Variants in TNRC6A observed in about 807,000 individuals in gnomAD.
The protein encoded by TNRC6A is trinucleotide repeat-containing gene 6A protein.
A neutral mutation model predicts 221.2 loss-of-function variants in TNRC6A; 44 were observed. That is an observed-to-expected ratio of 0.20 (90% CI 0.16 to 0.26). TNRC6A has a LOEUF of 0.26. Among genes scored for constraint, TNRC6A ranks in the 10% least tolerant of loss-of-function variants. The probability of loss-of-function intolerance (pLI) is 1.00; values close to 1 mark genes in which losing one functional copy is unlikely to be tolerated. For synonymous variants in TNRC6A, 847 were observed against 838.5 expected (o/e 1.01, Z -0.18); for missense variants, 2,199 against 2,404.4 (o/e 0.91, Z 1.79).
intron 2 of TNRC6A, among the ~76,000 whole-genome samples, chr16:24,686,964 T>G (rs535541740): frequency 2.6e-5 from 4 of 152,208 alleles, no homozygotes; most frequent in Non-Finnish European, 5.9e-5. Context: ...GCTCTACCAC[T>G]TACTAGCTCT....
intron 2 of TNRC6A, among the ~76,000 whole-genome samples, chr16:24,705,575 G>T (rs1358647921): frequency 1.3e-5 from 2 of 152,104 alleles, no homozygotes; most frequent in Non-Finnish European, 2.9e-5. Flanking sequence ...CTGGTGATCC[G>T]CCTGCCTTGG....
intron 1 of TNRC6A, 69 bp from the exon 2 acceptor site, chr16:24,730,183 CG>C: frequency 6.7e-7 from 1 of 1,498,184 alleles, no homozygotes; most frequent in Non-Finnish European, 8.9e-7. Flanking sequence ...GCAGCAGCTC[CG>C]TTTTCACGCG....
At chr16:24,803,262 T>C (rs1468160645) in intron 11 of TNRC6A, among the ~76,000 whole-genome samples, 4 of 149,860 alleles carry the variant, frequency 2.7e-5, no homozygotes, top group African/African-American at 7.4e-5. Flanking sequence ...CTACTGAAAA[T>C]AAAAAAATTA....
intron 1 of TNRC6A, among the ~76,000 whole-genome samples, chr16:24,630,564 A>T (rs1180026656): frequency 2.0e-5 from 3 of 152,158 alleles, no homozygotes; most frequent in East Asian, 1.9e-4. Flanking sequence ...TTCTCCCTCT[A>T]GCTACTACCT....
chr16:24,769,479 A>C (rs2057545008), intron 4 of TNRC6A, among the ~76,000 whole-genome samples: 1 of 151,944 alleles, frequency 6.6e-6, no homozygotes, highest in African/African-American at 2.4e-5. Flanking sequence ...AAAAAAAAAA[A>C]AAAAAACCCT....
chr16:24,625,722 G>A (rs1265436082), intron 1 of TNRC6A, among the ~76,000 whole-genome samples: 1 of 101,332 alleles, frequency 9.9e-6, no homozygotes, highest in African/African-American at 4.7e-5. Flanking sequence ...GACAGAGCGA[G>A]ACTCCGTCTC....
intron 1 of TNRC6A, among the ~76,000 whole-genome samples, chr16:24,626,626 C>T (rs1337793892): frequency 6.6e-6 from 1 of 151,068 alleles, no homozygotes; most frequent in Non-Finnish European, 1.5e-5. Flanking sequence ...ATATGTTTTA[C>T]CAAGTTTTTT....
chr16:24,660,326 G>A (rs1245584848), intron 2 of TNRC6A, among the ~76,000 whole-genome samples: 4 of 152,036 alleles, frequency 2.6e-5, no homozygotes, highest in Admixed American at 1.3e-4. Context: ...GAGAACATAC[G>A]ATGTTTGGTT....
chr16:24,674,257 A>G (rs2055362987), intron 2 of TNRC6A, among the ~76,000 whole-genome samples: 2 of 151,810 alleles, frequency 1.3e-5, no homozygotes, highest in Admixed American at 1.3e-4. Context: ...TAGTAGCAAC[A>G]AGGTCTCGAT....
chr16:24,818,906 A>C (rs1266300261), intron 21 of TNRC6A, among the ~76,000 whole-genome samples: 1 of 152,142 alleles, frequency 6.6e-6, no homozygotes. Context: ...TTCACTGAAC[A>C]GCTCTCATCT....
intron 2 of TNRC6A, among the ~76,000 whole-genome samples, chr16:24,694,180 A>C (rs1436546408): frequency 6.6e-6 from 1 of 152,116 alleles, no homozygotes; most frequent in East Asian, 1.9e-4. Context: ...TACAACACCC[A>C]GGGAAAGTGA....
Position 24,823,710 on chromosome 16 carries a change from C to A in TNRC6A, c.5792C>A (p.Pro1931His), listed in dbSNP as rs1309300917. ...CATTATTCCACAAGCCTGTGGGGTCCCCCAAGCAGCAGCGACCCCCGAGGA... is the reference window on the plus strand; with the variant it reads ...CATTATTCCACAAGCCTGTGGGGTCACCCAAGCAGCAGCGACCCCCGAGGA... Reference protein sequence around the residue: ...TPHYSTSLWGPPSSSDPRGIS... With the variant: ...TPHYSTSLWGHPSSSDPRGIS... Residue 1931 changes from proline to histidine, a missense_variant, in exon 25 of 25, where the codon CCC becomes CAC. Transcript: ENST00000395799. This position sits in a 1 kb window ranked among gnomAD's most constrained non-coding sequence, Gnocchi z 4.3. The A allele has an allele frequency of 1.9e-6, 3 of 1,567,158 alleles. No homozygotes were observed. Among genetic ancestry groups the A allele is most frequent in the Non-Finnish European group, 2.6e-6 (3 of 1,157,284 alleles).
At chr16:24,642,141 G>T (rs1901980614) in intron 2 of TNRC6A, among the ~76,000 whole-genome samples, 2 of 152,176 alleles carry the variant, frequency 1.3e-5, no homozygotes, top group Admixed American at 1.3e-4. Flanking sequence ...CAGATTCCTG[G>T]GGGTAAACGG....
At chr16:24,639,148 G>T (rs900152276) in intron 1 of TNRC6A, among the ~76,000 whole-genome samples, 1 of 152,142 alleles carries the variant, frequency 6.6e-6, no homozygotes, top group South Asian at 2.1e-4. Flanking sequence ...CGTACATAGG[G>T]TTGATAATTG....
chr16:24,708,245 T>G (rs1236847743), intron 2 of TNRC6A, among the ~76,000 whole-genome samples: 1 of 68,636 alleles, frequency 1.5e-5, no homozygotes, highest in African/African-American at 5.4e-5. Flanking sequence ...CATGGATGAG[T>G]TTTTTTTTTT....
intron 2 of TNRC6A, among the ~76,000 whole-genome samples, chr16:24,739,454 C>T (rs1295429557): frequency 1.3e-5 from 2 of 148,962 alleles, no homozygotes; most frequent in Non-Finnish European, 3.0e-5. Context: ...GGTATTTTTT[C>T]CTATTTTGTG....
In TNRC6A at chr16:24,650,969, C is replaced by T. The variant is rs767678432; in HGVS notation, n.402+9960C>T. ...ACATTGCTAGTGCTCATTTGCCACA[C>T]GTGGCCAGTGGCCAGTGGCTACTGG... is the stretch of plus-strand genomic sequence containing the variant. On this transcript the variant is annotated intron_variant and non_coding_transcript_variant, in intron 2 of 2. Coordinates refer to the TNRC6A transcript ENST00000566108. Among the ~76,000 whole-genome samples, 38 of 152,260 alleles carry T rather than the reference C, an allele frequency of 2.5e-4. 1 individual carries two copies. The highest frequency in any genetic ancestry group is 1.5e-3 in the South Asian group (7 of 4,826).
At chr16:24,815,439 G>A (rs745377592) in intron 19 of TNRC6A, 134 bp downstream of exon 19, 2 of 1,041,848 alleles carry the variant, frequency 1.9e-6, no homozygotes, top group South Asian at 2.8e-5. Context: ...GAATGCAGAA[G>A]TGATTGAGGA....
chr16:24,744,321 T>G (rs1349573886), intron 2 of TNRC6A, among the ~76,000 whole-genome samples: 1 of 152,210 alleles, frequency 6.6e-6, no homozygotes, highest in Non-Finnish European at 1.5e-5. Context: ...ATTTTTCCCT[T>G]TGTAATTAAT....
Sources: gnomAD v4.1 joint callset for allele counts (sites outside exome capture counted in the v4.1 genomes callset) on GRCh38, gnomAD v4.1.1 for gene constraint, Gnocchi (gnomAD v3.1) non-coding constraint, MANE v1.5 for transcripts, NCBI Gene and HGNC (gene_info 2026-07-23, HGNC 2026-07-21) for gene names.